Variants in C18orf54 observed in about 807,000 individuals in gnomAD.
C18orf54 encodes the protein lung adenoma susceptibility protein 2.
C18orf54 carries 49 observed loss-of-function variants against 49.3 expected under a neutral mutation model. The ratio of observed to expected loss-of-function variants is 0.99; its 90% CI spans 0.79 to 1.26. C18orf54 has a LOEUF of 1.26. C18orf54 is among the 50% of genes most tolerant of loss of function. C18orf54 has a pLI of 0.00. For synonymous variants in C18orf54, 211 were observed against 216.6 expected, an observed-to-expected ratio of 0.97 and a Z score of 0.23; for missense variants, 687 against 620.6, an observed-to-expected ratio of 1.11 and a Z score of -1.14.
rs1400365320 is a variant in C18orf54 at position 54,381,214 on chromosome 18, A to G, written c.*2968A>G. On this transcript the variant is annotated 3_prime_UTR_variant, in exon 9 of 9. Transcript: ENST00000620105. ...CCATTTCCTTTTTCTTTTTTTGTTT[A>G]TAATCATATGTCCCTAAGATTGTTT... 6.6e-6 allele frequency: 1 copy of G among 151,470 alleles called. No individual in the cohort carries two copies. The highest frequency in any genetic ancestry group is 2.1e-4 in the South Asian group (1 of 4,814). The allele number at this position is 151,470 out of a possible 1,614,324, so 9.4% of individuals were successfully genotyped here. A position where few individuals can be genotyped will look rare whatever the true frequency, so the allele number is the denominator to read the frequency against.
rs753148488 is a variant in C18orf54 at position 54,361,741 on chromosome 18, C to A, written c.382C>A (p.Leu128Ile). Reference protein sequence around the residue: ...IDSMSLTTDDLLRLPADGSFS... With the variant: ...IDSMSLTTDDILRLPADGSFS... ...CTCCATGAGCCTAACAACTGATGAT[C>A]TATTAAGACTCCCAGCAGATGGATC... The change falls in exon 4 of 9, where the codon CTA becomes ATA. Residue 128 changes from leucine to isoleucine, a missense_variant. By Grantham distance (5) the Leu-to-Ile change is conservative. Transcript: ENST00000620105. The A allele has an allele frequency of 1.2e-6, 2 of 1,613,940 alleles. No homozygotes were observed. Among genetic ancestry groups the A allele is most frequent in the African/African-American group, 2.7e-5 (2 of 74,904 alleles).
chr18:54,372,052 A>T (rs1175290796), intron 6 of C18orf54, among the ~76,000 whole-genome samples: 2 of 152,054 alleles, frequency 1.3e-5, no homozygotes, highest in Non-Finnish European at 2.9e-5. Flanking sequence ...TTATAAAAAC[A>T]TATTTTAAAG....
rs750441203 is a variant in C18orf54, at chr18:54,360,808, T to A, written c.236T>A (p.Phe79Tyr). ...GGAAAAATTAACATTGATGAGGATT[T>A]TACTAATATGTCACAGTTCTGCAAC... ...STGKINIDED[F>Y]TNMSQFCNYI... is the part of the protein sequence containing the mutation. Residue 79 changes from phenylalanine (F) to tyrosine (Y), a missense_variant, in exon 3 of 9, where the codon TTT becomes TAT. Physicochemically the swap from Phe to Tyr is conservative, Grantham distance 22. Transcript: ENST00000620105. 1 of 1,613,374 alleles carries A rather than the reference T, an allele frequency of 6.2e-7. No individual in the cohort carries two copies.
chr18:54,376,844 A>G (rs2089581690), intron 8 of C18orf54, among the ~76,000 whole-genome samples: 1 of 152,176 alleles, frequency 6.6e-6, no homozygotes, highest in South Asian at 2.1e-4. Flanking sequence ...AAATAATGCT[A>G]CTAGTTTCCT....
intron 1 of C18orf54, among the ~76,000 whole-genome samples, chr18:54,358,428 G>T (rs2089192034): frequency 6.6e-6 from 1 of 152,222 alleles, no homozygotes; most frequent in African/African-American, 2.4e-5. Context: ...TGCTGCGCTC[G>T]CCCTGGCTGC....
At chr18:54,372,329 T>G in intron 6 of C18orf54, 137 bp from the exon 7 acceptor site, 2 of 897,968 alleles carry the variant, frequency 2.2e-6, no homozygotes, top group Non-Finnish European at 3.1e-6. Context: ...CAATTTTGAT[T>G]TTTTAAAATA....
At chr18:54,360,969 A>G (rs1240970039) in intron 3 of C18orf54, 114 bp downstream of exon 3, 3 of 1,006,950 alleles carry the variant, frequency 3.0e-6, no homozygotes, top group African/African-American at 3.2e-5. Flanking sequence ...TAAAAATAAC[A>G]TAATATTGAG....
rs2089609741 is a variant in C18orf54 at position 54,378,254 on chromosome 18, A to G, written c.*8A>G. On this transcript the variant is annotated 3_prime_UTR_variant, in exon 9 of 9. Coordinates refer to ENST00000620105, the MANE Select transcript of C18orf54 (RefSeq NM_001288980.2). Reference sequence around the variant, plus strand: ...CGGTCACCGAAAATGTGAAGAGGAAAATGAAACTGTCACCACAATGAATAG... The same window carrying G: ...CGGTCACCGAAAATGTGAAGAGGAAGATGAAACTGTCACCACAATGAATAG... 6.2e-7 allele frequency: 1 copy of G among 1,610,736 alleles called. No individual in the cohort carries two copies. The highest frequency in any genetic ancestry group is 2.2e-5 in the East Asian group (1 of 44,818).
chr18:54,361,217 G>A (rs2089262436), intron 3 of C18orf54, among the ~76,000 whole-genome samples: 2 of 152,182 alleles, frequency 1.3e-5, no homozygotes, highest in East Asian at 1.9e-4. Flanking sequence ...AATGAGAACA[G>A]CTGTTCTCTA....
rs904972712 is a variant in C18orf54, at chr18:54,380,751, A to G, written c.*2505A>G. 6.6e-6 allele frequency: 1 copy of G among 152,104 alleles called. No individual in the cohort carries two copies. The highest frequency in any genetic ancestry group is 6.5e-5 in the Admixed American group (1 of 15,270). 9.4% of individuals were successfully genotyped at this position (152,104 alleles called of 1,614,324 possible). On this transcript the variant is annotated 3_prime_UTR_variant, in exon 9 of 9. Coordinates refer to ENST00000620105, the MANE Select transcript of C18orf54 (RefSeq NM_001288980.2). ...TATTACATTATATGTAGTTATACCA[A>G]AATATTGCCTGAAGATAAATCATGA...
At chr18:54,358,162 G>T (rs559141844) in intron 1 of C18orf54, 87 bp downstream of exon 1, 1 of 152,432 alleles carries the variant, frequency 6.6e-6, no homozygotes, top group Admixed American at 6.5e-5. Flanking sequence ...CTTTTCGAGG[G>T]TTGTCCCATC....
At position 54,361,715 on chromosome 18, in the gene C18orf54, ACT is replaced by A. The variant is rs867892478; in HGVS notation, c.358_359del (p.Ser120HisfsTer6). ...AGAAGACACACCGTTAATGACATAGACTCCATGAGCCTAACAACTGATGATCT... is the reference window on the plus strand; with the variant it reads ...AGAAGACACACCGTTAATGACATAGACCATGAGCCTAACAACTGATGATCT... On this transcript the variant is annotated frameshift_variant, in exon 4 of 9. Coordinates refer to ENST00000620105, the MANE Select transcript of C18orf54 (RefSeq NM_001288980.2). LOFTEE classifies it high-confidence loss of function. 2.5e-6 allele frequency: 4 copies of A among 1,613,514 alleles called. No individual in the cohort carries two copies. Among genetic ancestry groups the A allele is most frequent in the Non-Finnish European group, 3.4e-6 (4 of 1,179,584 alleles).
chr18:54,374,375 GA>G, intron 8 of C18orf54, 91 bp downstream of exon 8: 1 of 1,344,818 alleles, frequency 7.4e-7, no homozygotes. Flanking sequence ...GTAGTTTTAA[GA>G]GTAGCACTAC....
intron 6 of C18orf54, among the ~76,000 whole-genome samples, chr18:54,372,249 C>T (rs1011084008): frequency 2.6e-5 from 4 of 151,922 alleles, no homozygotes; most frequent in South Asian, 2.1e-4. Flanking sequence ...AAAGGATATG[C>T]CAAACTGTTA....
Position 54,362,115 on chromosome 18 carries a change from G to A in C18orf54, c.756G>A (p.Gly252=). ...TSQKSDLNVS[G]ITSIPDFKYP... ...AGAAATCTGACCTTAATGTTTCAGG[G>A]ATAACTAGTATACCTGATTTCAAAT... Residue 252 remains glycine (G), a synonymous_variant, in exon 4 of 9, where the codon GGG becomes GGA. Transcript: ENST00000620105. 7 of 1,537,168 alleles carry A rather than the reference G, an allele frequency of 4.6e-6. No individual in the cohort carries two copies. The highest frequency in any genetic ancestry group is 6.1e-6 in the Non-Finnish European group (7 of 1,146,816).
intron 5 of C18orf54, among the ~76,000 whole-genome samples, chr18:54,364,231 C>T (rs1053485261): frequency 3.3e-5 from 5 of 151,862 alleles, no homozygotes; most frequent in African/African-American, 1.2e-4. Context: ...CTTATTTTAT[C>T]ACTTGTTCTG....
chr18:54,374,306 G>T, intron 8 of C18orf54, 22 bp downstream of exon 8: 1 of 1,546,700 alleles, frequency 6.5e-7, no homozygotes, highest in Non-Finnish European at 8.7e-7. Context: ...TTACTAATAT[G>T]GATACAAATC....
Position 54,362,835 on chromosome 18 carries a change from A to G in C18orf54, c.1137A>G (p.Leu379=), listed in dbSNP as rs1215241178. Residue 379 remains leucine, a synonymous_variant, in exon 5 of 9, where the codon TTA becomes TTG. Transcript: ENST00000620105. ...ATCTAGAGCAGTGTACTGAAGAATTACCAAAGTCCATGAAAAAGGATGACA... is the reference window on the plus strand; with the variant it reads ...ATCTAGAGCAGTGTACTGAAGAATTGCCAAAGTCCATGAAAAAGGATGACA... The part of the protein sequence containing the change: ...KRNLEQCTEE[L]PKSMKKDDSP... The G allele has an allele frequency of 6.2e-7, 1 of 1,612,574 alleles. No homozygotes were observed. Among genetic ancestry groups the G allele is most frequent in the South Asian group, 1.1e-5 (1 of 90,812 alleles).
chr18:54,362,659 A>G, intron 4 of C18orf54, 112 bp from the exon 5 acceptor site: 1 of 1,017,882 alleles, frequency 9.8e-7, no homozygotes, highest in Non-Finnish European at 1.4e-6. Flanking sequence ...ATTTGCTGTT[A>G]TAGATGAATG....
Sources: gnomAD v4.1 joint callset for allele counts (sites outside exome capture counted in the v4.1 genomes callset) on GRCh38, gnomAD v4.1.1 for gene constraint, MANE v1.5 for transcripts, NCBI Gene and HGNC (gene_info 2026-07-23, HGNC 2026-07-21) for gene names.